Variants in ARL10 observed in about 807,000 individuals in gnomAD.
ARL10 encodes ARF like GTPase 10.
In ARL10, 23 loss-of-function variants were observed where a neutral mutation model predicts 26.1. The ratio of observed to expected loss-of-function variants is 0.88; its 90% CI spans 0.63 to 1.25. The LOEUF (loss-of-function observed/expected upper bound fraction) is 1.25. ARL10 is among the 50% of genes most tolerant of loss of function. ARL10 has a pLI of 0.00. For synonymous variants in ARL10, 138 were observed against 149.1 expected (o/e 0.93, Z 0.54); for missense variants, 300 against 323.6 (o/e 0.93, Z 0.56).
chr5:176,378,517 C>G lies in ARL10; in HGVS notation c.*6622C>G, dbSNP rs537393650. 1 of 152,288 alleles carries G rather than the reference C, an allele frequency of 6.6e-6. No individual in the cohort carries two copies. The highest frequency in any genetic ancestry group is 1.9e-4 in the East Asian group (1 of 5,172). 9.4% of individuals were successfully genotyped at this position (152,288 alleles called of 1,614,324 possible). The stretch of plus-strand genomic sequence containing the variant: ...AAACCCTCTTTGTTTCCATAACATG[C>G]CAAAATTGTGGACTGCAAAGGCATG... On this transcript the variant is annotated 3_prime_UTR_variant, in exon 4 of 4. Transcript: ENST00000310389.
the ARL10 span, among the ~76,000 whole-genome samples, chr5:176,408,227 C>CTTTT: frequency 6.9e-6 from 1 of 144,222 alleles, no homozygotes; most frequent in Non-Finnish European, 1.5e-5. Context: ...GGGTTTTCCT[C>CTTTT]TTTTTTTTTT....
In ARL10 at chr5:176,372,130, G is replaced by T; in HGVS notation, c.*235G>T. On this transcript the variant is annotated 3_prime_UTR_variant, in exon 4 of 4. Coordinates refer to ENST00000310389, the MANE Select transcript of ARL10 (RefSeq NM_173664.6). Reference sequence around the variant, plus strand: ...TGAGACAGAGGGTGGGGAGGATAGTGTCTGGCTCATTCCAGGCTGGAATGT... The same window carrying T: ...TGAGACAGAGGGTGGGGAGGATAGTTTCTGGCTCATTCCAGGCTGGAATGT... The T allele has an allele frequency of 7.4e-7, 1 of 1,359,390 alleles. No individual in the cohort carries two copies. Among genetic ancestry groups the T allele is most frequent in the Non-Finnish European group, 9.6e-7 (1 of 1,044,668 alleles). The allele number at this position is 1,359,390 out of a possible 1,614,324, so 84.2% of individuals were successfully genotyped here.
intron 1 of ARL10, 67 bp from the exon 2 acceptor site, chr5:176,366,313 C>A (rs1045681936): frequency 1.2e-5 from 18 of 1,520,042 alleles, no homozygotes; most frequent in Non-Finnish European, 1.6e-5. Context: ...CTGGTGCCTT[C>A]GGTCTTCCCT....
chr5:176,403,605 G>A (rs564717969), downstream of ARL10, among the ~76,000 whole-genome samples: 8 of 151,524 alleles, frequency 5.3e-5, no homozygotes, highest in South Asian at 1.0e-3. Flanking sequence ...AGGCGCCCAC[G>A]ACCACGCCTG....
intron 2 of ARL10, among the ~76,000 whole-genome samples, chr5:176,366,992 C>T (rs1768332896): frequency 6.6e-6 from 1 of 151,326 alleles, no homozygotes; most frequent in African/African-American, 2.4e-5. Context: ...AGGTCACCCA[C>T]CTTTCTAGTC....
downstream of ARL10, among the ~76,000 whole-genome samples, chr5:176,405,222 G>A (rs934493160): frequency 6.6e-6 from 1 of 152,104 alleles, no homozygotes; most frequent in African/African-American, 2.4e-5. Flanking sequence ...AGGTGCAGCG[G>A]CTCACACCTG....
At chr5:176,411,490 G>C in the ARL10 span, among the ~76,000 whole-genome samples, 1 of 152,112 alleles carries the variant, frequency 6.6e-6, no homozygotes, top group Non-Finnish European at 1.5e-5. Context: ...CTAATTAAAG[G>C]CCTCCCTGAC....
chr5:176,366,198 A>G (rs971591780), intron 1 of ARL10, among the ~76,000 whole-genome samples, 182 bp from the exon 2 acceptor site: 2 of 152,164 alleles, frequency 1.3e-5, no homozygotes, highest in African/African-American at 4.8e-5. Context: ...CGTTTAAGGA[A>G]TTCGCCAAGG....
chr5:176,391,129 G>T (rs1250023693), downstream of ARL10, among the ~76,000 whole-genome samples: 1 of 152,136 alleles, frequency 6.6e-6, no homozygotes, highest in Non-Finnish European at 1.5e-5. Flanking sequence ...CTGTACTAGG[G>T]CCAGCTAAGT....
rs1228747252 is a variant in ARL10, at chr5:176,381,786, G to C, written c.*9891G>C. The C allele has an allele frequency of 6.6e-6, 1 of 152,224 alleles. No individual in the cohort carries two copies. The highest frequency in any genetic ancestry group is 6.5e-5 in the Admixed American group (1 of 15,284). 9.4% of individuals were successfully genotyped at this position (152,224 alleles called of 1,614,324 possible). On this transcript the variant is annotated 3_prime_UTR_variant, in exon 4 of 4. Transcript: ENST00000310389. The stretch of plus-strand genomic sequence containing the variant: ...CTTTGGAACCAGCACTAATTGTTGA[G>C]GGGGTCCCTGGGGTCCCTTTTTACC...
At chr5:176,370,623 T>C (rs1465565086) in intron 3 of ARL10, among the ~76,000 whole-genome samples, 1 of 152,208 alleles carries the variant, frequency 6.6e-6, no homozygotes, top group Non-Finnish European at 1.5e-5. Flanking sequence ...TAGTGCCCGC[T>C]CTGAGCCTCA....
intron 1 of ARL10, among the ~76,000 whole-genome samples, chr5:176,400,083 C>A (rs1322919165): frequency 6.6e-6 from 1 of 150,800 alleles, no homozygotes; most frequent in Non-Finnish European, 1.5e-5. Context: ...CCCACCTACT[C>A]GGGAGGCTGA....
At chr5:176,388,907 A>T, downstream of ARL10, 1 of 1,614,220 alleles carries the variant, frequency 6.2e-7, no homozygotes, top group South Asian at 1.1e-5. Context: ...CACTGTTTAC[A>T]GGAATCCAGA....
the ARL10 span, among the ~76,000 whole-genome samples, chr5:176,407,192 G>C: frequency 6.6e-6 from 1 of 152,166 alleles, no homozygotes; most frequent in Non-Finnish European, 1.5e-5. Flanking sequence ...AAGTCAAATG[G>C]GGTGCACTCC....
downstream of ARL10, among the ~76,000 whole-genome samples, chr5:176,403,070 G>T (rs1477743130): frequency 7.9e-5 from 11 of 139,760 alleles, no homozygotes; most frequent in Admixed American, 3.6e-4. Context: ...TTTTTTTTGA[G>T]GCGGAGTCTC....
chr5:176,395,140 T>C lies in ARL10; in HGVS notation c.134-6601T>C, dbSNP rs1486061765. 2.1e-5 allele frequency among the ~76,000 whole-genome samples: 3 copies of C among 143,084 alleles called. No individual in the cohort carries two copies. The East Asian group carries it at 7.1e-4, about 34-fold the overall frequency. The allele number at this position is 143,084 out of a possible 152,430, so 93.9% of individuals were successfully genotyped here. On this transcript the variant is annotated intron_variant, in intron 1 of 1. Coordinates refer to the ARL10 transcript ENST00000514533. ...TCCCAGCCTGTAGAGCTTCAGCCAC[T>C]GCAGCCAGCTGGGCCTTTTCTCTCT... is the stretch of plus-strand genomic sequence containing the variant.
chr5:176,387,016 G>C (rs952963060), intron 1 of ARL10: 1 of 937,480 alleles, frequency 1.1e-6, no homozygotes, highest in East Asian at 2.4e-5. Context: ...CCCTGCCCAC[G>C]GTTAGGTAGA....
Position 176,379,812 on chromosome 5 carries a change from G to A in ARL10, c.*7917G>A, listed in dbSNP as rs1204909910. The A allele has an allele frequency of 6.6e-6, 1 of 152,104 alleles. No homozygotes were observed. The highest frequency in any genetic ancestry group is 1.5e-5 in the Non-Finnish European group (1 of 68,028). The allele number at this position is 152,104 out of a possible 1,614,324, so 9.4% of individuals were successfully genotyped here. ...CCAGTTCCTTTTTGCCTCCTCTTGG[G>A]GTTTTGGAGTGGTCTTTAGTATCCT... is the stretch of plus-strand genomic sequence containing the variant. On this transcript the variant is annotated 3_prime_UTR_variant, in exon 4 of 4. Transcript: ENST00000310389.
At chr5:176,388,364 C>A in exon 2 of ARL10, 1 of 1,613,270 alleles carries the variant, frequency 6.2e-7, no homozygotes, top group Non-Finnish European at 8.5e-7. Flanking sequence ...AGAGAGACAT[C>A]GCGGATCCGT....
Sources: gnomAD v4.1 joint callset for allele counts (sites outside exome capture counted in the v4.1 genomes callset) on GRCh38, gnomAD v4.1.1 for gene constraint, MANE v1.5 for transcripts, NCBI Gene and HGNC (gene_info 2026-07-23, HGNC 2026-07-21) for gene names.